The following CHMP4B variants were observed in gnomAD, a reference collection of about 807,000 sequenced individuals.
The protein encoded by CHMP4B is SNF7 homolog associated with Alix 1.
In CHMP4B, 1 loss-of-function variant was observed where a neutral mutation model predicts 25.1. The observed-to-expected ratio is 0.04, with a 90% CI of 0.01 to 0.19. The LOEUF (loss-of-function observed/expected upper bound fraction) is 0.19. Among genes scored for constraint, CHMP4B ranks in the 10% least tolerant of loss-of-function variants. The pLI is 1.00. For synonymous variants in CHMP4B, 101 were observed against 115.6 expected, an observed-to-expected ratio of 0.87 and a Z score of 0.81; for missense variants, 151 against 289.7, an observed-to-expected ratio of 0.52 and a Z score of 3.48.
chr20:33,848,437 C>T (rs749076464), intron 1 of CHMP4B, 30 bp from the exon 2 acceptor site: 12 of 1,612,644 alleles, frequency 7.4e-6, no homozygotes, highest in South Asian at 1.1e-5. Flanking sequence ...TGCCGGGACT[C>T]TCTGAAACCC....
At chr20:33,838,368 G>A (rs1349808570) in intron 1 of CHMP4B, among the ~76,000 whole-genome samples, 2 of 152,164 alleles carry the variant, frequency 1.3e-5, no homozygotes, top group African/African-American at 2.4e-5. Flanking sequence ...GTGGGCAGTG[G>A]TGGGCTCTGA....
intron 1 of CHMP4B, among the ~76,000 whole-genome samples, chr20:33,844,541 T>G (rs1353219543): frequency 2.0e-5 from 3 of 152,000 alleles, no homozygotes; most frequent in Non-Finnish European, 4.4e-5. Context: ...GAGGTGGAGG[T>G]CAGAGGAAGT....
intron 1 of CHMP4B, among the ~76,000 whole-genome samples, chr20:33,819,425 G>T (rs1331350905): frequency 6.6e-6 from 1 of 152,206 alleles, no homozygotes; most frequent in African/African-American, 2.4e-5. Context: ...GTAAAGGGAT[G>T]AGCATCTAGG....
intron 1 of CHMP4B, among the ~76,000 whole-genome samples, chr20:33,814,880 G>A (rs1978739836): frequency 6.6e-6 from 1 of 152,162 alleles, no homozygotes; most frequent in South Asian, 2.1e-4. Context: ...CAAACTCCTG[G>A]CCTCGAGCGA....
At chr20:33,827,319 ACATTCT>A (rs1406355273) in intron 1 of CHMP4B, among the ~76,000 whole-genome samples, 1 of 152,222 alleles carries the variant, frequency 6.6e-6, no homozygotes, top group Non-Finnish European at 1.5e-5. Context: ...CTCTGCTGTA[ACATTCT>A]GTTAGTCAAC....
intron 1 of CHMP4B, among the ~76,000 whole-genome samples, chr20:33,847,571 A>G (rs979509123): frequency 6.6e-6 from 1 of 152,134 alleles, no homozygotes; most frequent in Non-Finnish European, 1.5e-5. Flanking sequence ...ACCTTGGTCA[A>G]ATTGCTTGCC....
At chr20:33,842,133 C>T (rs1484495370) in intron 1 of CHMP4B, among the ~76,000 whole-genome samples, 1 of 152,152 alleles carries the variant, frequency 6.6e-6, no homozygotes, top group East Asian at 1.9e-4. Flanking sequence ...GATCGTAACT[C>T]TTACTTAGTC....
chr20:33,829,053 A>G (rs1979171035), intron 1 of CHMP4B, among the ~76,000 whole-genome samples: 1 of 152,192 alleles, frequency 6.6e-6, no homozygotes, highest in African/African-American at 2.4e-5. Flanking sequence ...AGTGCTAGGT[A>G]TTGCTGGGAG....
Position 33,818,805 on chromosome 20 carries a change from C to A in CHMP4B, c.190+7147C>A, listed in dbSNP as rs563607452. 3.3e-5 allele frequency among the ~76,000 whole-genome samples: 5 copies of A among 152,226 alleles called. No individual in the cohort carries two copies. The South Asian group carries it at 1.0e-3, about 31-fold the overall frequency. On this transcript the variant is annotated intron_variant, in intron 1 of 4. Coordinates refer to ENST00000217402, the MANE Select transcript of CHMP4B (RefSeq NM_176812.5). ...GTTTATGTCTCAAGCCTGCACTTCT[C>A]TAGGACAGCCATTCTACATTTCATT...
chr20:33,841,702 G>A (rs1291213323), intron 1 of CHMP4B, among the ~76,000 whole-genome samples: 3 of 152,154 alleles, frequency 2.0e-5, no homozygotes, highest in Non-Finnish European at 4.4e-5. Flanking sequence ...GAACCAGCCC[G>A]ATTAGCACCT....
rs138426393 is a variant in CHMP4B, at chr20:33,833,949, C to G, written c.191-14518C>G. Among the ~76,000 whole-genome samples the G allele has an allele frequency of 2.8e-3, 422 of 152,296 alleles. 2 individuals are homozygous for G. Among genetic ancestry groups the G allele is most frequent in the African/African-American group, 9.0e-3 (376 of 41,560 alleles). On this transcript the variant is annotated intron_variant, in intron 1 of 4. Coordinates refer to ENST00000217402, the MANE Select transcript of CHMP4B (RefSeq NM_176812.5). The stretch of plus-strand genomic sequence containing the variant: ...CATGAGCAAAGTGTAATTCCTGGTA[C>G]AGTAGAATGAGCAAAGGAATTGCCT...
chr20:33,848,895 C>G (rs756245804), intron 2 of CHMP4B, among the ~76,000 whole-genome samples: 1 of 152,142 alleles, frequency 6.6e-6, no homozygotes, highest in Non-Finnish European at 1.5e-5. Context: ...GCTGGAAAGG[C>G]CTTTAGAAGG....
intron 1 of CHMP4B, among the ~76,000 whole-genome samples, chr20:33,831,613 ATCC>A (rs1299177545): frequency 1.3e-5 from 2 of 151,772 alleles, no homozygotes; most frequent in Non-Finnish European, 2.9e-5. Flanking sequence ...GCCTCAAGTG[ATCC>A]TCCTGCTTTG....
At position 33,848,389 on chromosome 20, in the gene CHMP4B, T is replaced by C. The variant is rs1979746279; in HGVS notation, c.191-78T>C. The stretch of plus-strand genomic sequence containing the variant: ...AACAACAGAGGTGCTTCCAGTAGAG[T>C]TGGGGAAAAGACTCAGTGACACTAG... On this transcript the variant is annotated intron_variant, in intron 1 of 4. Transcript: ENST00000217402. The C allele has an allele frequency of 6.3e-6, 9 of 1,438,170 alleles. 1 individual carries two copies. The highest frequency in any genetic ancestry group is 5.9e-5 in the South Asian group (5 of 84,984). 89.1% of individuals were successfully genotyped at this position (1,438,170 alleles called of 1,614,324 possible). A position where few individuals can be genotyped will look rare whatever the true frequency, so the allele number is the denominator to read the frequency against.
Position 33,815,172 on chromosome 20 carries a change from A to G in CHMP4B, c.190+3514A>G, listed in dbSNP as rs575095101. Among the ~76,000 whole-genome samples the G allele has an allele frequency of 2.6e-5, 4 of 152,306 alleles. No individual in the cohort carries two copies. In the South Asian group the frequency reaches 6.2e-4, roughly 24 times the overall value. On this transcript the variant is annotated intron_variant, in intron 1 of 4. Transcript: ENST00000217402. ...ACTCTGTACCTCAGATTCCTCCTCC[A>G]CAAATCAGGGTACTAGTATCTGCCT...
intron 1 of CHMP4B, among the ~76,000 whole-genome samples, chr20:33,824,846 G>T (rs1979049450): frequency 1.4e-5 from 2 of 146,654 alleles, no homozygotes; most frequent in Admixed American, 6.8e-5. Context: ...AAAGGGTGGG[G>T]GGAGGGTGGC....
chr20:33,829,054 T>C (rs867577936), intron 1 of CHMP4B, among the ~76,000 whole-genome samples: 1 of 152,344 alleles, frequency 6.6e-6, no homozygotes, highest in South Asian at 2.1e-4. Context: ...GTGCTAGGTA[T>C]TGCTGGGAGT....
chr20:33,844,717 C>T (rs540754804), intron 1 of CHMP4B, among the ~76,000 whole-genome samples: 3 of 151,324 alleles, frequency 2.0e-5, no homozygotes, highest in Non-Finnish European at 2.9e-5. Context: ...CTGCTACACT[C>T]GGGATGCTGA....
intron 1 of CHMP4B, among the ~76,000 whole-genome samples, chr20:33,838,052 A>C (rs563507656): frequency 5.9e-5 from 9 of 152,256 alleles, no homozygotes; most frequent in African/African-American, 2.2e-4. Context: ...CAGAGTTGGA[A>C]CTAGAAGCCA....
Sources: allele counts gnomAD v4.1 joint callset (sites outside exome capture counted in the v4.1 genomes callset), GRCh38; gene constraint gnomAD v4.1.1; transcripts MANE v1.5; gene names NCBI Gene and HGNC (gene_info 2026-07-23, HGNC 2026-07-21).